The following RGS6 variants were observed in gnomAD, a reference collection of about 807,000 sequenced individuals.
The protein encoded by RGS6 is regulator of G-protein signaling 6.
A neutral mutation model predicts 78.5 loss-of-function variants in RGS6; 30 were observed. The observed-to-expected ratio is 0.38, with a 90% CI of 0.29 to 0.52. The LOEUF (loss-of-function observed/expected upper bound fraction) is 0.52. Ranked by LOEUF, RGS6 falls within the 20% of genes least tolerant of loss-of-function variation. The pLI, the probability that RGS6 is intolerant of heterozygous loss-of-function variation, is 0.85. For missense variants in RGS6, 495 were observed against 609.7 expected (o/e 0.81, Z 1.98); for synonymous variants, 206 against 206.0 (o/e 1.00, Z 0.00).
upstream of RGS6, among the ~76,000 whole-genome samples, chr14:71,927,910 G>A (rs1438022131): frequency 2.0e-5 from 3 of 151,790 alleles, no homozygotes; most frequent in South Asian, 2.1e-4. Flanking sequence ...CGCCCGTCTC[G>A]GCCTCCCAAA....
chr14:72,457,084 TAAAA>T (rs747066432), intron 4 of RGS6, among the ~76,000 whole-genome samples: 29 of 82,136 alleles, frequency 3.5e-4, no homozygotes, highest in African/African-American at 1.1e-3. Context: ...GACCTGTCTC[TAAAA>T]AAAAAAAAAA....
the RGS6 span, among the ~76,000 whole-genome samples, chr14:72,587,905 C>A: frequency 0.015 from 2,222 of 152,288 alleles, 58 homozygotes; most frequent in East Asian, 0.062. Flanking sequence ...GCTTTGACAT[C>A]CCAAAAGCTT....
At chr14:71,902,430 G>A in the RGS6 span, among the ~76,000 whole-genome samples, 1 of 152,142 alleles carries the variant, frequency 6.6e-6, no homozygotes, top group Non-Finnish European at 1.5e-5. Flanking sequence ...GCCTTGTAAA[G>A]CCTTTGGTAC....
At chr14:72,087,209 CA>C (rs2095078701) in intron 2 of RGS6, among the ~76,000 whole-genome samples, 1 of 152,296 alleles carries the variant, frequency 6.6e-6, no homozygotes, top group African/African-American at 2.4e-5. Flanking sequence ...TAGCTCACTG[CA>C]ACTTCTGCCT....
At chr14:72,418,293 A>C (rs993391995) in intron 3 of RGS6, among the ~76,000 whole-genome samples, 1 of 151,866 alleles carries the variant, frequency 6.6e-6, no homozygotes, top group Admixed American at 6.6e-5. Flanking sequence ...CAGCTTCCCA[A>C]GTAGCTGGGA....
At chr14:72,300,823 T>C (rs2065897495) in intron 2 of RGS6, among the ~76,000 whole-genome samples, 1 of 152,034 alleles carries the variant, frequency 6.6e-6, no homozygotes, top group Non-Finnish European at 1.5e-5. Flanking sequence ...CTTCTGTGAG[T>C]CAAGCACCAG....
intron 2 of RGS6, among the ~76,000 whole-genome samples, chr14:72,003,497 G>A (rs775040724): frequency 7.2e-5 from 11 of 152,072 alleles, no homozygotes; most frequent in African/African-American, 2.7e-4. Context: ...ACACCTCCCC[G>A]TGAAAGAATT....
At chr14:72,472,409 T>G (rs965782721) in intron 8 of RGS6, among the ~76,000 whole-genome samples, 6 of 152,196 alleles carry the variant, frequency 3.9e-5, no homozygotes, top group African/African-American at 1.4e-4. Context: ...TTAAAGACAT[T>G]TATTTCTACT....
intron 2 of RGS6, among the ~76,000 whole-genome samples, chr14:72,296,549 T>C (rs941085617): frequency 6.6e-6 from 1 of 152,228 alleles, no homozygotes; most frequent in Non-Finnish European, 1.5e-5. Flanking sequence ...CTCATGTAGT[T>C]TTAATTTGCA....
chr14:72,152,832 G>A (rs974402045), intron 2 of RGS6, among the ~76,000 whole-genome samples: 8 of 152,198 alleles, frequency 5.3e-5, no homozygotes, highest in Middle Eastern at 3.4e-3. Flanking sequence ...CTTGTCACAC[G>A]GCTATGAAAT....
At chr14:72,195,188 A>G (rs2039763027) in intron 2 of RGS6, among the ~76,000 whole-genome samples, 1 of 152,040 alleles carries the variant, frequency 6.6e-6, no homozygotes, top group African/African-American at 2.4e-5. Context: ...GGCCTGGGCG[A>G]CAGAGTGAAA....
chr14:72,604,782 GT>G, the RGS6 span, among the ~76,000 whole-genome samples: 1 of 152,170 alleles, frequency 6.6e-6, no homozygotes, highest in African/African-American at 2.4e-5. Flanking sequence ...TTGAGCCTGT[GT>G]TTAGTCCCTG....
intron 2 of RGS6, among the ~76,000 whole-genome samples, chr14:71,969,133 G>C (rs1468179813): frequency 6.6e-6 from 1 of 152,146 alleles, no homozygotes; most frequent in East Asian, 1.9e-4. Flanking sequence ...CTTCATCCAT[G>C]TCCCTACAAA....
At chr14:71,927,806 C>T (rs919733797), upstream of RGS6, among the ~76,000 whole-genome samples, 33 of 151,790 alleles carry the variant, frequency 2.2e-4, no homozygotes, top group Non-Finnish European at 2.9e-4. Context: ...TACAGGCGCG[C>T]GCCACCATGC....
rs1361417754 is a variant in RGS6, at chr14:71,932,475, G to C, written c.-487G>C. 6.6e-6 allele frequency: 1 copy of C among 151,774 alleles called. No individual in the cohort carries two copies. The highest frequency in any genetic ancestry group is 1.5e-5 in the Non-Finnish European group (1 of 67,852). 9.4% of individuals were successfully genotyped at this position (151,774 alleles called of 1,614,324 possible). On this transcript the variant is annotated 5_prime_UTR_variant, in exon 1 of 18. Coordinates refer to ENST00000553525, the MANE Select transcript of RGS6 (RefSeq NM_001204424.2). ...CAGCTCCTCGCGCTCGGCCCTGCTC[G>C]GCGGCGAGAGCTCCGCCTGGGCGCC...
intron 2 of RGS6, among the ~76,000 whole-genome samples, chr14:72,241,302 A>G (rs1053026203): frequency 6.6e-6 from 1 of 152,228 alleles, no homozygotes. Context: ...CCATGTGCAT[A>G]TTAACAACCC....
intron 1 of RGS6, among the ~76,000 whole-genome samples, chr14:71,939,503 T>C (rs1343454184): frequency 1.3e-5 from 2 of 152,234 alleles, no homozygotes; most frequent in Admixed American, 1.3e-4. Context: ...AGAGTTGATA[T>C]ACCCCTGAGG....
chr14:71,936,309 C>T (rs1318793743), intron 1 of RGS6, among the ~76,000 whole-genome samples: 1 of 151,868 alleles, frequency 6.6e-6, no homozygotes, highest in African/African-American at 2.4e-5. Flanking sequence ...AGGCTAGGCT[C>T]ATTTCTCCTT....
At position 72,127,402 on chromosome 14, in the gene RGS6, A is replaced by G. The variant is rs555386372; in HGVS notation, c.84+162527A>G. ...TGAGATTTATATTGCCTAAGTATAG[A>G]CTGAATACATTTTAATATTTAATTG... On this transcript the variant is annotated intron_variant, in intron 2 of 17. Transcript: ENST00000553525. 2.0e-5 allele frequency among the ~76,000 whole-genome samples: 3 copies of G among 152,318 alleles called. No homozygotes were observed. The South Asian group carries it at 6.2e-4, about 32-fold the overall frequency.
Sources: allele counts gnomAD v4.1 joint callset (sites outside exome capture counted in the v4.1 genomes callset), GRCh38; gene constraint gnomAD v4.1.1; transcripts MANE v1.5; gene names NCBI Gene and HGNC (gene_info 2026-07-23, HGNC 2026-07-21).